CNTNAP2: variants seen among roughly 807,000 people sequenced by gnomAD.
The protein encoded by CNTNAP2 is contactin-associated protein-like 2.
In CNTNAP2, 98 loss-of-function variants were observed where a neutral mutation model predicts 155.2. The ratio of observed to expected loss-of-function variants is 0.63; its 90% CI spans 0.54 to 0.75. The LOEUF (loss-of-function observed/expected upper bound fraction) is 0.75, where lower values mean the gene tolerates loss of function less well. Ranked by LOEUF, CNTNAP2 falls within the 30% of genes least tolerant of loss-of-function variation. The probability of loss-of-function intolerance (pLI) is 0.00; values close to 1 mark genes in which losing one functional copy is unlikely to be tolerated. For synonymous variants in CNTNAP2, 651 were observed against 631.2 expected (o/e 1.03, Z -0.47); for missense variants, 1,727 against 1,688.1 (o/e 1.02, Z -0.40).
chr7:147,170,064 T>C (rs1484368044), intron 8 of CNTNAP2, among the ~76,000 whole-genome samples: 7 of 152,134 alleles, frequency 4.6e-5, no homozygotes, highest in African/African-American at 1.4e-4. Context: ...CTTTCTCATC[T>C]TGGTGGGTCT....
intron 12 of CNTNAP2, among the ~76,000 whole-genome samples, chr7:147,630,724 T>C (rs192717115): frequency 2.5e-4 from 38 of 152,200 alleles, no homozygotes; most frequent in African/African-American, 8.4e-4. Flanking sequence ...ACAGAAGTCA[T>C]ATGAGCATCC....
Position 147,307,581 on chromosome 7 carries a change from A to C in CNTNAP2, c.1498+7291A>C, listed in dbSNP as rs560572047. On this transcript the variant is annotated intron_variant, in intron 9 of 23. Coordinates refer to ENST00000361727, the MANE Select transcript of CNTNAP2 (RefSeq NM_014141.6). The stretch of plus-strand genomic sequence containing the variant: ...CCTGGGTGACAGAGCAAAACTCCAT[A>C]CCCCACCTGCCCCCCCAAAAAAGGA... 1.7e-3 allele frequency among the ~76,000 whole-genome samples: 233 copies of C among 140,062 alleles called. 5 individuals carry two copies. The highest frequency in any genetic ancestry group is 1.6e-3 in the Non-Finnish European group (109 of 67,400). The allele number at this position is 140,062 out of a possible 152,430, so 91.9% of individuals were successfully genotyped here.
chr7:146,937,278 G>A (rs1033833061), intron 3 of CNTNAP2, among the ~76,000 whole-genome samples: 6 of 151,472 alleles, frequency 4.0e-5, no homozygotes, highest in African/African-American at 1.2e-4. Flanking sequence ...GTAGTCCCGG[G>A]AGGTGGAGTT....
intron 15 of CNTNAP2, among the ~76,000 whole-genome samples, chr7:147,990,207 G>T (rs1252654447): frequency 6.6e-6 from 1 of 152,158 alleles, no homozygotes; most frequent in African/African-American, 2.4e-5. Context: ...TGAGGTCGGG[G>T]GAAGCTTCAG....
chr7:147,405,476 A>G (rs929255353), intron 10 of CNTNAP2, among the ~76,000 whole-genome samples: 1 of 152,182 alleles, frequency 6.6e-6, no homozygotes, highest in Admixed American at 6.5e-5. Context: ...TGGGACTGAT[A>G]CAACTTAATG....
chr7:146,763,880 C>A (rs893422775), intron 1 of CNTNAP2, among the ~76,000 whole-genome samples: 1 of 152,140 alleles, frequency 6.6e-6, no homozygotes, highest in Non-Finnish European at 1.5e-5. Flanking sequence ...GGCTCTATAG[C>A]GCTCCATTTT....
At chr7:146,781,920 C>T (rs1802498249) in intron 2 of CNTNAP2, among the ~76,000 whole-genome samples, 1 of 152,172 alleles carries the variant, frequency 6.6e-6, no homozygotes. Context: ...CCTAGCTCCT[C>T]CTGCTGGTAC....
Position 148,383,803 on chromosome 7 carries a change from G to A in CNTNAP2, c.3630G>A (p.Val1210=). 1 of 1,614,138 alleles carries A rather than the reference G, an allele frequency of 6.2e-7. No homozygotes were observed. The highest frequency in any genetic ancestry group is 8.5e-7 in the Non-Finnish European group (1 of 1,180,018). The part of the protein sequence containing the change: ...SAHVHIQGEL[V]ESNCGASPLT... ...ACGTCCACATCCAGGGCGAGCTGGT[G>A]GAGTCCAACTGCGGGGCCTCGCCGC... Residue 1210 remains valine (V), a synonymous_variant, in exon 22 of 24, where the codon GTG becomes GTA. Transcript: ENST00000361727.
intron 10 of CNTNAP2, among the ~76,000 whole-genome samples, chr7:147,472,924 C>G (rs13312183): frequency 0.78 from 118,157 of 151,714 alleles, 46,366 homozygotes; most frequent in African/African-American, 0.87. Context: ...GTCCAAGTTT[C>G]AGGCTCTCAA....
At chr7:147,074,849 A>G (rs1264846800) in intron 4 of CNTNAP2, among the ~76,000 whole-genome samples, 3 of 152,202 alleles carry the variant, frequency 2.0e-5, no homozygotes, top group African/African-American at 4.8e-5. Flanking sequence ...GTGAGATTTC[A>G]GAGCTTCAAC....
chr7:147,493,255 C>G (rs1798640283), intron 11 of CNTNAP2, among the ~76,000 whole-genome samples: 1 of 152,196 alleles, frequency 6.6e-6, no homozygotes, highest in South Asian at 2.1e-4. Context: ...AATAGCCACA[C>G]TAGCTGATTT....
chr7:147,174,057 T>C (rs1802285979), intron 8 of CNTNAP2, among the ~76,000 whole-genome samples: 1 of 152,140 alleles, frequency 6.6e-6, no homozygotes, highest in Non-Finnish European at 1.5e-5. Flanking sequence ...CTGAATCATG[T>C]ATGTCCTCAA....
chr7:147,701,949 G>A (rs1796240720), intron 13 of CNTNAP2, among the ~76,000 whole-genome samples: 1 of 151,818 alleles, frequency 6.6e-6, no homozygotes, highest in South Asian at 2.1e-4. Flanking sequence ...CTAACTGCCT[G>A]CATGAATATA....
At chr7:147,655,720 T>C (rs2116946334) in intron 13 of CNTNAP2, among the ~76,000 whole-genome samples, 2 of 152,286 alleles carry the variant, frequency 1.3e-5, no homozygotes, top group South Asian at 4.1e-4. Context: ...CAGTGTAGAG[T>C]TAACAGAACT....
At chr7:146,558,481 A>C (rs1427919069) in intron 1 of CNTNAP2, among the ~76,000 whole-genome samples, 1 of 152,148 alleles carries the variant, frequency 6.6e-6, no homozygotes, top group East Asian at 1.9e-4. Flanking sequence ...CCAACTCAAC[A>C]AAGTTGGAGA....
chr7:148,114,232 T>C (rs879600271), intron 15 of CNTNAP2, among the ~76,000 whole-genome samples: 4 of 152,250 alleles, frequency 2.6e-5, no homozygotes, highest in Non-Finnish European at 5.9e-5. Flanking sequence ...AGGAGAATTA[T>C]GGTGTGCTAG....
At chr7:147,079,182 A>G (rs1800061702) in intron 4 of CNTNAP2, among the ~76,000 whole-genome samples, 1 of 152,172 alleles carries the variant, frequency 6.6e-6, no homozygotes, top group Non-Finnish European at 1.5e-5. Context: ...GACTGATTTA[A>G]TCCTCACTAA....
intron 9 of CNTNAP2, among the ~76,000 whole-genome samples, chr7:147,315,119 A>G (rs1164245735): frequency 6.6e-6 from 1 of 150,764 alleles, no homozygotes; most frequent in East Asian, 1.9e-4. Context: ...TACAAAAAAA[A>G]AAAAAAAAAA....
intron 1 of CNTNAP2, among the ~76,000 whole-genome samples, chr7:146,748,992 C>T (rs1801858386): frequency 6.6e-6 from 1 of 152,186 alleles, no homozygotes; most frequent in Non-Finnish European, 1.5e-5. Context: ...TTTTACAAAA[C>T]TCTCTTGCTA....
Sources: allele counts gnomAD v4.1 joint callset (sites outside exome capture counted in the v4.1 genomes callset), GRCh38; gene constraint gnomAD v4.1.1; transcripts MANE v1.5; gene names NCBI Gene and HGNC (gene_info 2026-07-23, HGNC 2026-07-21).